EPC2: variants seen among roughly 807,000 people sequenced by gnomAD.
The protein encoded by EPC2 is enhancer of polycomb homolog 2.
A neutral mutation model predicts 92.1 loss-of-function variants in EPC2; 14 were observed. That is an observed-to-expected ratio of 0.15 (90% confidence interval 0.10 to 0.24). The LOEUF (loss-of-function observed/expected upper bound fraction) is 0.24, where lower values mean the gene tolerates loss of function less well. EPC2 is among the 10% of genes least tolerant of loss of function. The probability of loss-of-function intolerance (pLI) is 1.00; values close to 1 mark genes in which losing one functional copy is unlikely to be tolerated. For synonymous variants in EPC2, 340 were observed against 334.7 expected (o/e 1.02, Z -0.17); for missense variants, 755 against 971.5 (o/e 0.78, Z 2.96).
chr2:148,682,831 G>A lies in EPC2; in HGVS notation c.154-7383G>A, dbSNP rs1399201424. ...TACGGCCTGAATTTGAAAGGGTATT[G>A]CAAGACTCCTCTCTGGTTTCCTTTA... On this transcript the variant is annotated intron_variant, in intron 1 of 13. Coordinates refer to ENST00000258484, the MANE Select transcript of EPC2 (RefSeq NM_015630.4). 8.5e-5 allele frequency among the ~76,000 whole-genome samples: 13 copies of A among 152,092 alleles called. No individual in the cohort carries two copies. In the East Asian group the frequency reaches 2.3e-3, roughly 27 times the overall value.
chr2:148,703,152 TC>T (rs1681922230), intron 2 of EPC2, among the ~76,000 whole-genome samples: 1 of 152,230 alleles, frequency 6.6e-6, no homozygotes, highest in Non-Finnish European at 1.5e-5. Context: ...GTATTTTTTT[TC>T]CTTGTTGTCC....
At chr2:148,756,774 G>A (rs1317058796) in intron 4 of EPC2, among the ~76,000 whole-genome samples, 1 of 152,198 alleles carries the variant, frequency 6.6e-6, no homozygotes, top group Non-Finnish European at 1.5e-5. Flanking sequence ...AGATAGTTAA[G>A]AGAGGAAATT....
chr2:148,743,008 T>C (rs1425370363), intron 2 of EPC2, among the ~76,000 whole-genome samples: 1 of 152,140 alleles, frequency 6.6e-6, no homozygotes, highest in Non-Finnish European at 1.5e-5. Flanking sequence ...GTCAAATCAA[T>C]CTATTTTTAA....
At chr2:148,703,254 A>C (rs79884228) in intron 2 of EPC2, among the ~76,000 whole-genome samples, 3,930 of 152,228 alleles carry the variant, frequency 0.026, 58 homozygotes, top group East Asian at 0.032. Context: ...ACTCAGAGGA[A>C]AGCTTCTGTC....
At chr2:148,734,010 A>G (rs1045131867) in intron 2 of EPC2, among the ~76,000 whole-genome samples, 5 of 152,188 alleles carry the variant, frequency 3.3e-5, no homozygotes, top group Admixed American at 2.0e-4. Context: ...AGAAAATGGA[A>G]AACATATAGG....
chr2:148,769,160 C>T lies in EPC2; in HGVS notation c.1150C>T (p.Pro384Ser). The T allele has an allele frequency of 6.2e-7, 1 of 1,611,732 alleles. No homozygotes were observed. Among genetic ancestry groups the T allele is most frequent in the Non-Finnish European group, 8.5e-7 (1 of 1,178,798 alleles). The change falls in exon 8 of 14, where the codon CCA becomes TCA. Residue 384 changes from proline to serine, a missense_variant. This residue lies in a region of EPC2 where 509 missense variants were observed against 607.7 expected (regional missense o/e 0.84). Transcript: ENST00000258484. ...TGCCTCTTTTGTCTAGGTATTGTCC[C>T]CAGTATCAGAACCGGAAGAAGAAAA... The part of the protein sequence containing the change: ...DEDEFPQVLS[P>S]VSEPEEENDP...
At chr2:148,785,826 A>G (rs1335646576) in intron 13 of EPC2, among the ~76,000 whole-genome samples, 2 of 152,200 alleles carry the variant, frequency 1.3e-5, no homozygotes, top group Non-Finnish European at 2.9e-5. Flanking sequence ...CTATGACACT[A>G]ATACAAGGAG....
intron 2 of EPC2, among the ~76,000 whole-genome samples, chr2:148,728,288 A>G (rs1381364240): frequency 6.6e-6 from 1 of 151,766 alleles, no homozygotes; most frequent in Non-Finnish European, 1.5e-5. Flanking sequence ...TGCTTTTTGT[A>G]GCACCTTGCT....
intron 1 of EPC2, among the ~76,000 whole-genome samples, chr2:148,676,099 T>C (rs1681256384): frequency 6.6e-6 from 1 of 151,988 alleles, no homozygotes; most frequent in Non-Finnish European, 1.5e-5. Flanking sequence ...GTACTCATTG[T>C]GTATGACTAA....
intron 2 of EPC2, among the ~76,000 whole-genome samples, chr2:148,717,415 C>T (rs1464611155): frequency 2.0e-5 from 3 of 152,098 alleles, no homozygotes; most frequent in African/African-American, 7.2e-5. Flanking sequence ...GCTTTAGCTG[C>T]ATCCCAGAGA....
At chr2:148,676,616 A>G in intron 1 of EPC2, among the ~76,000 whole-genome samples, 1 of 151,848 alleles carries the variant, frequency 6.6e-6, no homozygotes. Context: ...ATATTTGCTC[A>G]TGTTATTTTA....
chr2:148,736,960 C>T (rs1433434342), intron 2 of EPC2, among the ~76,000 whole-genome samples: 4 of 151,726 alleles, frequency 2.6e-5, no homozygotes, highest in Admixed American at 6.6e-5. Flanking sequence ...AAATTAGCCA[C>T]GCCTGGTGGC....
In EPC2 at chr2:148,737,781, A is replaced by G. The variant is rs898418836; in HGVS notation, c.314-5841A>G. Reference sequence around the variant, plus strand: ...AGAATTGCCTTGGGTTACACATAAAATACACTAACAGTAATGATAGCCGAT... The same window carrying G: ...AGAATTGCCTTGGGTTACACATAAAGTACACTAACAGTAATGATAGCCGAT... On this transcript the variant is annotated intron_variant, in intron 2 of 13. Transcript: ENST00000258484. 2.6e-5 allele frequency among the ~76,000 whole-genome samples: 4 copies of G among 152,248 alleles called. No homozygotes were observed. The South Asian group carries it at 6.2e-4, about 24-fold the overall frequency.
chr2:148,657,613 T>G (rs759799586), intron 1 of EPC2, among the ~76,000 whole-genome samples: 13 of 152,078 alleles, frequency 8.5e-5, no homozygotes, highest in Admixed American at 3.3e-4. Context: ...AGAGGTAGTA[T>G]TGTAGTTCTT....
rs1683832581 is a variant in EPC2 at position 148,784,896 on chromosome 2, G to A, written c.2246G>A (p.Arg749Gln). The part of the protein sequence containing the change: ...VSPVNVHINT[R>Q]TSAPSPTALK... ...CCAGTCAATGTGCATATCAATACAC[G>A]GACTTCAGCACCATCGCCAACAGCC... The change falls in exon 13 of 14, where the codon CGG (arginine) becomes CAG (glutamine). Residue 749 changes from arginine (R) to glutamine (Q), a missense_variant. By Grantham distance (43) the Arg-to-Gln change is conservative (BLOSUM62 1). Around this residue, in one of 4 missense-constraint regions of EPC2, gnomAD observed 207 missense variants for 260.5 expected, o/e 0.79. Transcript: ENST00000258484. 6.9e-6 allele frequency: 11 copies of A among 1,605,832 alleles called. No individual in the cohort carries two copies. Among genetic ancestry groups the A allele is most frequent in the African/African-American group, 1.3e-5 (1 of 74,792 alleles).
In EPC2 at chr2:148,781,838, T is replaced by C; in HGVS notation, c.1857+58T>C. The C allele has an allele frequency of 1.9e-6, 3 of 1,595,960 alleles. 1 individual carries two copies. In the South Asian group the frequency reaches 3.4e-5, roughly 18 times the overall value. On this transcript the variant is annotated intron_variant, in intron 11 of 13. Coordinates refer to ENST00000258484, the MANE Select transcript of EPC2 (RefSeq NM_015630.4). ...TTTCTTTCATCATTATGTAGTTTTATTCCATTTTAGTCAAGTCACAGAAGA... is the reference window on the plus strand; with the variant it reads ...TTTCTTTCATCATTATGTAGTTTTACTCCATTTTAGTCAAGTCACAGAAGA...
In EPC2 at chr2:148,644,905, G is replaced by A. The variant is rs1683761101; in HGVS notation, c.-113G>A. The A allele has an allele frequency of 5.5e-6, 5 of 913,128 alleles. No homozygotes were observed. The highest frequency in any genetic ancestry group is 1.6e-5 in the South Asian group (1 of 62,692). The allele number at this position is 913,128 out of a possible 1,614,324, so 56.6% of individuals were successfully genotyped here. A position where few individuals can be genotyped will look rare whatever the true frequency, so the allele number is the denominator to read the frequency against. ...GGGGGCAGTGAGGAGGAGGAGGAGCGGGCCGGCCGCGCTGCACTGAGGAAG... is the reference window on the plus strand; with the variant it reads ...GGGGGCAGTGAGGAGGAGGAGGAGCAGGCCGGCCGCGCTGCACTGAGGAAG... On this transcript the variant is annotated 5_prime_UTR_variant, in exon 1 of 14. Transcript: ENST00000258484.
intron 2 of EPC2, among the ~76,000 whole-genome samples, chr2:148,735,749 T>C (rs1004272427): frequency 3.3e-5 from 5 of 152,016 alleles, no homozygotes; most frequent in Admixed American, 6.5e-5. Flanking sequence ...TAGAATAATA[T>C]CATATCACTC....
At chr2:148,752,117 G>A (rs1226732332) in intron 3 of EPC2, among the ~76,000 whole-genome samples, 2 of 152,108 alleles carry the variant, frequency 1.3e-5, no homozygotes, top group African/African-American at 4.8e-5. Flanking sequence ...CCTGAGTATT[G>A]TTATGTAAGA....
Sources: allele counts gnomAD v4.1 joint callset (sites outside exome capture counted in the v4.1 genomes callset), GRCh38; gene constraint gnomAD v4.1.1; regional missense constraint gnomAD v4.1.1; transcripts MANE v1.5; gene names NCBI Gene and HGNC (gene_info 2026-07-23, HGNC 2026-07-21).